Variants in SLC9A9 observed in about 807,000 individuals in gnomAD.
SLC9A9 encodes the protein solute carrier family 9 member A9, also known as sodium/hydrogen exchanger 9.
SLC9A9 carries 62 observed loss-of-function variants against 77.8 expected under a neutral mutation model. The observed-to-expected ratio is 0.80, with a 90% CI of 0.65 to 0.98. SLC9A9 has a LOEUF of 0.98. SLC9A9 is among the 50% of genes least tolerant of loss of function. The pLI is 0.00. For synonymous variants in SLC9A9, 320 were observed against 283.5 expected (o/e 1.13, Z -1.29); for missense variants, 775 against 774.9 (o/e 1.00, Z 0.00).
chr3:143,516,979 A>T, intron 9 of SLC9A9: 1 of 622,416 alleles, frequency 1.6e-6, no homozygotes, highest in Non-Finnish European at 2.8e-6. Context: ...TAATCATTTT[A>T]ATTTGTAGTC....
At chr3:143,308,426 A>G (rs561006889) in intron 14 of SLC9A9, among the ~76,000 whole-genome samples, 8 of 152,176 alleles carry the variant, frequency 5.3e-5, no homozygotes, top group African/African-American at 1.7e-4. Context: ...AATACAAAAA[A>G]TTAGCCGGGC....
Position 143,489,773 on chromosome 3 carries a change from A to G in SLC9A9, c.1315+3880T>C, listed in dbSNP as rs185348703. 2.2e-4 allele frequency among the ~76,000 whole-genome samples: 34 copies of G among 152,200 alleles called. No individual in the cohort carries two copies. The East Asian group carries it at 6.4e-3, about 28-fold the overall frequency. On this transcript the variant is annotated intron_variant, in intron 11 of 15. Transcript: ENST00000316549. ...GAATGGAAGAAGATATTTGCAAATG[A>G]TATGTCTGATAAAGGATCAGTATTC...
intron 12 of SLC9A9, among the ~76,000 whole-genome samples, chr3:143,430,566 C>A (rs2034494842): frequency 6.6e-6 from 1 of 152,144 alleles, no homozygotes; most frequent in Admixed American, 6.5e-5. Flanking sequence ...GCAGTGATAG[C>A]CATAGTGGAG....
At chr3:143,419,764 C>A (rs2034264091) in intron 12 of SLC9A9, among the ~76,000 whole-genome samples, 1 of 152,106 alleles carries the variant, frequency 6.6e-6, no homozygotes, top group African/African-American at 2.4e-5. Flanking sequence ...CCCCCACAGG[C>A]ACAAGGCCCT....
Position 143,506,487 on chromosome 3 carries a change from T to C in SLC9A9, c.1090-11039A>G, listed in dbSNP as rs189230794. On this transcript the variant is annotated intron_variant, in intron 9 of 15. Transcript: ENST00000316549. Reference sequence around the variant, plus strand: ...ATGAGTCACATAGGGTATCATTTTATTTTATATTGCTTGGCTCTAACAGCA... The same window carrying C: ...ATGAGTCACATAGGGTATCATTTTACTTTATATTGCTTGGCTCTAACAGCA... Among the ~76,000 whole-genome samples the C allele has an allele frequency of 1.9e-3, 294 of 152,350 alleles. 1 individual carries two copies. Among genetic ancestry groups the C allele is most frequent in the Admixed American group, 0.018 (277 of 15,306 alleles).
At position 143,567,322 on chromosome 3, in the gene SLC9A9, G is replaced by A. The variant is rs140468282; in HGVS notation, c.1000+6766C>T. Among the ~76,000 whole-genome samples, 379 of 152,146 alleles carry A rather than the reference G, an allele frequency of 2.5e-3. 2 individuals carry two copies. The highest frequency in any genetic ancestry group is 8.6e-3 in the African/African-American group (359 of 41,524). On this transcript the variant is annotated intron_variant, in intron 8 of 15. Coordinates refer to ENST00000316549, the MANE Select transcript of SLC9A9 (RefSeq NM_173653.4). ...TCCAGAAGCCAGAGACACATGCCTCGGTGGCTGATTTTGTAAGTATGGCAG... is the reference window on the plus strand; with the variant it reads ...TCCAGAAGCCAGAGACACATGCCTCAGTGGCTGATTTTGTAAGTATGGCAG...
intron 4 of SLC9A9, among the ~76,000 whole-genome samples, chr3:143,760,747 G>A (rs551897626): frequency 1.1e-4 from 16 of 152,198 alleles, no homozygotes; most frequent in Middle Eastern, 3.4e-3. Flanking sequence ...CATCAATATC[G>A]TGAAAATGGC....
chr3:143,725,049 C>A (rs1014791892), intron 4 of SLC9A9, among the ~76,000 whole-genome samples: 1 of 152,174 alleles, frequency 6.6e-6, no homozygotes, highest in Non-Finnish European at 1.5e-5. Flanking sequence ...TGGGCCCCTA[C>A]ATACATCCTC....
intron 6 of SLC9A9, among the ~76,000 whole-genome samples, chr3:143,640,800 C>T (rs1214894974): frequency 1.3e-5 from 2 of 151,936 alleles, no homozygotes; most frequent in South Asian, 2.1e-4. Flanking sequence ...TGCAGTGAGC[C>T]GAGATCGTGC....
intron 12 of SLC9A9, among the ~76,000 whole-genome samples, chr3:143,442,856 C>T (rs903769605): frequency 2.0e-5 from 3 of 152,114 alleles, no homozygotes; most frequent in African/African-American, 7.2e-5. Flanking sequence ...TGGGAGAGGA[C>T]ATGATGTTGT....
At chr3:143,620,771 A>G (rs2038192493) in intron 6 of SLC9A9, among the ~76,000 whole-genome samples, 1 of 152,164 alleles carries the variant, frequency 6.6e-6, no homozygotes, top group African/African-American at 2.4e-5. Flanking sequence ...AAGTGGGTGC[A>G]GGACAGTGGG....
chr3:143,750,480 A>G (rs1295364689), intron 4 of SLC9A9, among the ~76,000 whole-genome samples: 1 of 152,194 alleles, frequency 6.6e-6, no homozygotes, highest in Non-Finnish European at 1.5e-5. Context: ...TTAAAGCACT[A>G]ATTGAACTTC....
intron 9 of SLC9A9, among the ~76,000 whole-genome samples, chr3:143,520,977 T>C (rs2036289095): frequency 6.6e-6 from 1 of 152,222 alleles, no homozygotes; most frequent in Admixed American, 6.5e-5. Flanking sequence ...TGGACACTGA[T>C]CCTTTGACAG....
intron 13 of SLC9A9, among the ~76,000 whole-genome samples, chr3:143,369,993 G>A (rs1310308920): frequency 6.6e-6 from 1 of 152,230 alleles, no homozygotes; most frequent in East Asian, 1.9e-4. Context: ...GCCCAGTCCA[G>A]CCTTCAGATG....
intron 14 of SLC9A9, among the ~76,000 whole-genome samples, chr3:143,359,776 C>T (rs1334441642): frequency 2.0e-5 from 3 of 152,120 alleles, no homozygotes; most frequent in African/African-American, 4.8e-5. Context: ...ACAGTGAGTC[C>T]ACCTCCTATT....
intron 14 of SLC9A9, among the ~76,000 whole-genome samples, chr3:143,281,521 C>T (rs1938219814): frequency 6.6e-6 from 1 of 152,202 alleles, no homozygotes; most frequent in South Asian, 2.1e-4. Flanking sequence ...ACGGAGAGCA[C>T]ATACTAGCAC....
intron 6 of SLC9A9, among the ~76,000 whole-genome samples, chr3:143,631,319 T>A (rs1423204199): frequency 6.6e-6 from 1 of 152,172 alleles, no homozygotes. Flanking sequence ...GGAGAGCAAC[T>A]ACAATGATGA....
chr3:143,814,531 T>C (rs1314799338), intron 2 of SLC9A9, among the ~76,000 whole-genome samples: 1 of 152,172 alleles, frequency 6.6e-6, no homozygotes, highest in Non-Finnish European at 1.5e-5. Context: ...CTGCCACTCC[T>C]TCATGCAGGG....
chr3:143,601,620 C>A (rs536629291), intron 6 of SLC9A9, among the ~76,000 whole-genome samples: 120 of 152,298 alleles, frequency 7.9e-4, no homozygotes, highest in African/African-American at 2.8e-3. Flanking sequence ...GGTATTAAAC[C>A]ACTTTCCAAA....
Sources: gnomAD v4.1 joint callset for allele counts (sites outside exome capture counted in the v4.1 genomes callset) on GRCh38, gnomAD v4.1.1 for gene constraint, MANE v1.5 for transcripts, NCBI Gene and HGNC (gene_info 2026-07-23, HGNC 2026-07-21) for gene names.